Variants in SEMA4F observed in about 807,000 individuals in gnomAD.
The protein encoded by SEMA4F is semaphorin-4F.
Under a neutral mutation model 78.4 loss-of-function variants are expected in SEMA4F, and 51 were observed. That is an observed-to-expected ratio of 0.65 (90% CI 0.52 to 0.82). The LOEUF is 0.82. Ranked by LOEUF, SEMA4F falls within the 40% of genes least tolerant of loss-of-function variation. SEMA4F has a pLI of 0.00. For missense variants in SEMA4F, 938 were observed against 1,014.4 expected (o/e 0.92, Z 1.02); for synonymous variants, 418 against 408.7 (o/e 1.02, Z -0.27).
the SEMA4F span, among the ~76,000 whole-genome samples, chr2:74,695,747 T>C: frequency 6.6e-6 from 1 of 152,208 alleles, no homozygotes; most frequent in Non-Finnish European, 1.5e-5. Flanking sequence ...GCATGGACGA[T>C]TGACAAATAT....
intron 12 of SEMA4F, among the ~76,000 whole-genome samples, chr2:74,677,677 A>G (rs1203477657): frequency 6.6e-6 from 1 of 152,242 alleles, no homozygotes; most frequent in Non-Finnish European, 1.5e-5. Flanking sequence ...ACTGACCTTG[A>G]GATTTCCTAT....
At position 74,679,973 on chromosome 2, in the gene SEMA4F, C is replaced by T. The variant is rs765869357; in HGVS notation, c.2077C>T (p.Leu693=). 3 of 1,614,254 alleles carry T rather than the reference C, an allele frequency of 1.9e-6. No individual in the cohort carries two copies. The highest frequency in any genetic ancestry group is 2.5e-6 in the Non-Finnish European group (3 of 1,180,034). Residue 693 remains leucine (L), a synonymous_variant, in exon 14 of 14, where the codon CTG becomes TTG. Coordinates refer to ENST00000357877, the MANE Select transcript of SEMA4F (RefSeq NM_004263.5). ...GCAGCGACGGCGACAGAGGGAACTT[C>T]TGGCTAGAGACAAGGTGGGCCTGGA... ...RQQRRRQREL[L]ARDKVGLDLG... is the part of the protein sequence containing the mutation.
At position 74,659,191 on chromosome 2, in the gene SEMA4F, C is replaced by T. The variant is rs1035019506; in HGVS notation, c.456+1240C>T. On this transcript the variant is annotated intron_variant, in intron 4 of 13. Transcript: ENST00000357877. ...TCAGGTAACATTGAGGTCTAATTTC[C>T]CTACAGTTCTCCTTAAGTTTATAAG... 2.0e-5 allele frequency among the ~76,000 whole-genome samples: 3 copies of T among 152,128 alleles called. No individual in the cohort carries two copies. In the South Asian group the frequency reaches 6.2e-4, roughly 32 times the overall value.
chr2:74,691,464 G>A, the SEMA4F span, among the ~76,000 whole-genome samples: 2 of 152,206 alleles, frequency 1.3e-5, no homozygotes, highest in African/African-American at 4.8e-5. Context: ...GTGACTTGGG[G>A]TTACGTTATA....
the SEMA4F span, among the ~76,000 whole-genome samples, chr2:74,700,187 GA>G: frequency 6.6e-6 from 1 of 152,082 alleles, no homozygotes; most frequent in Non-Finnish European, 1.5e-5. Context: ...CACAGAGGGG[GA>G]GGAAAGGCAA....
intron 5 of SEMA4F, among the ~76,000 whole-genome samples, chr2:74,668,235 G>A (rs1418837652): frequency 2.0e-5 from 3 of 152,166 alleles, no homozygotes; most frequent in African/African-American, 7.2e-5. Context: ...TGGTTTTGGT[G>A]TCATTGCATC....
rs531269936 is a variant in SEMA4F at position 74,657,906 on chromosome 2, C to T, written c.411C>T (p.Leu137=). 5.6e-5 allele frequency: 91 copies of T among 1,614,258 alleles called. 1 individual carries two copies. In the South Asian group the frequency reaches 7.1e-4, roughly 13 times the overall value. ...TCGCCATTGCCAATGCCTCTCACCT[C>T]CTCACTTGTGGCACCTTCGCTTTTG... ...QILAIANASH[L]LTCGTFAFDP... The change falls in exon 4 of 14, where the codon CTC becomes CTT. Residue 137 remains leucine (L), a synonymous_variant. Transcript: ENST00000357877.
chr2:74,676,636 T>C (rs188379029), intron 12 of SEMA4F, among the ~76,000 whole-genome samples: 3 of 152,300 alleles, frequency 2.0e-5, no homozygotes, highest in Admixed American at 1.3e-4. Context: ...TTATGATTTG[T>C]ACTGATTCTA....
At chr2:74,671,072 G>A (rs1684958081) in intron 5 of SEMA4F, among the ~76,000 whole-genome samples, 1 of 151,922 alleles carries the variant, frequency 6.6e-6, no homozygotes, top group Non-Finnish European at 1.5e-5. Context: ...AGGAACCTGA[G>A]GCTTAGGAAA....
the SEMA4F span, among the ~76,000 whole-genome samples, chr2:74,691,987 A>G: frequency 0.37 from 56,350 of 152,024 alleles, 17,394 homozygotes; most frequent in East Asian, 0.83. Flanking sequence ...CTTACGGAGC[A>G]GGCCTGACCA....
chr2:74,667,302 G>A (rs1573241904), intron 5 of SEMA4F, among the ~76,000 whole-genome samples: 1 of 152,160 alleles, frequency 6.6e-6, no homozygotes, highest in African/African-American at 2.4e-5. Context: ...TTGCATATGA[G>A]TCAATCCAAA....
At chr2:74,675,973 C>T (rs1038462128) in intron 12 of SEMA4F, 64 bp downstream of exon 12, 55 of 1,515,800 alleles carry the variant, frequency 3.6e-5, no homozygotes, top group East Asian at 2.3e-4. Flanking sequence ...CATATGTCTA[C>T]GTTTCTCATC....
chr2:74,656,242 T>C (rs538941349), intron 1 of SEMA4F, among the ~76,000 whole-genome samples: 1 of 152,248 alleles, frequency 6.6e-6, no homozygotes, highest in Non-Finnish European at 1.5e-5. Flanking sequence ...ACTCCTGACC[T>C]CAAGTGATCC....
rs1187840431 is a variant in SEMA4F, at chr2:74,658,471, C to T, written c.456+520C>T. 1.3e-5 allele frequency among the ~76,000 whole-genome samples: 2 copies of T among 152,242 alleles called. No homozygotes were observed. The highest frequency in any genetic ancestry group is 1.5e-5 in the Non-Finnish European group (1 of 68,042). Reference sequence around the variant, plus strand: ...TCTCCTCTCATGGCTTCTGATGTCACTTCCACTAATGTAATATCTGCTGGC... The same window carrying T: ...TCTCCTCTCATGGCTTCTGATGTCATTTCCACTAATGTAATATCTGCTGGC... On this transcript the variant is annotated intron_variant, in intron 4 of 13. Coordinates refer to ENST00000357877, the MANE Select transcript of SEMA4F (RefSeq NM_004263.5). The surrounding 1 kb of genome is among the most constrained non-coding windows in gnomAD (Gnocchi z 4.3).
chr2:74,660,676 C>T (rs867588166), intron 4 of SEMA4F, among the ~76,000 whole-genome samples: 1 of 152,162 alleles, frequency 6.6e-6, no homozygotes, highest in Non-Finnish European at 1.5e-5. Flanking sequence ...TCATTTTGAC[C>T]ATGCAATAAT....
At chr2:74,698,753 C>T in the SEMA4F span, among the ~76,000 whole-genome samples, 1 of 152,150 alleles carries the variant, frequency 6.6e-6, no homozygotes, top group East Asian at 1.9e-4. Flanking sequence ...ACTATCAGTC[C>T]TTCCCACTTG....
At chr2:74,656,824 T>G in intron 2 of SEMA4F, 139 bp downstream of exon 2, 12 of 717,342 alleles carry the variant, frequency 1.7e-5, no homozygotes, top group Middle Eastern at 4.4e-4. Flanking sequence ...TTGGGAGACA[T>G]GGGGGGAGAT....
intron 10 of SEMA4F, 30 bp from the exon 11 acceptor site, chr2:74,675,495 A>T: frequency 6.2e-7 from 1 of 1,604,896 alleles, no homozygotes. Flanking sequence ...GCAATTATGT[A>T]ATTATTCTTG....
intron 12 of SEMA4F, 67 bp from the exon 13 acceptor site, chr2:74,679,209 C>T: frequency 1.7e-6 from 2 of 1,160,012 alleles, no homozygotes; most frequent in South Asian, 1.2e-5. Flanking sequence ...AGGGAGTCTT[C>T]AGTAATACTG....
Sources: gnomAD v4.1 joint callset for allele counts (sites outside exome capture counted in the v4.1 genomes callset) on GRCh38, gnomAD v4.1.1 for gene constraint, Gnocchi (gnomAD v3.1) non-coding constraint, MANE v1.5 for transcripts, NCBI Gene and HGNC (gene_info 2026-07-23, HGNC 2026-07-21) for gene names.